Variants in RNF2 observed in about 807,000 individuals in gnomAD.
RNF2 encodes the protein E3 ubiquitin-protein ligase RING2.
RNF2 carries 6 observed loss-of-function variants against 37.2 expected under a neutral mutation model. The ratio of observed to expected loss-of-function variants is 0.16; its 90% CI spans 0.09 to 0.32. The LOEUF (loss-of-function observed/expected upper bound fraction) is 0.32, where lower values mean the gene tolerates loss of function less well. RNF2 is among the 10% of genes least tolerant of loss of function. The pLI is 1.00. For missense variants in RNF2, 251 were observed against 404.0 expected (o/e 0.62, Z 3.25); for synonymous variants, 133 against 132.7 (o/e 1.00, Z -0.02).
chr1:185,086,571 G>A (rs1651606890), intron 1 of RNF2, among the ~76,000 whole-genome samples: 1 of 152,180 alleles, frequency 6.6e-6, no homozygotes, highest in South Asian at 2.1e-4. Context: ...GGAAAATCAG[G>A]TGGGATATGA....
intron 1 of RNF2, among the ~76,000 whole-genome samples, chr1:185,082,615 A>G (rs1368472194): frequency 6.6e-6 from 1 of 151,876 alleles, no homozygotes; most frequent in Non-Finnish European, 1.5e-5. Flanking sequence ...TTGGCCTCCC[A>G]AAGTGCTGGG....
intron 1 of RNF2, among the ~76,000 whole-genome samples, chr1:185,087,214 A>G (rs1356523202): frequency 6.6e-6 from 1 of 152,244 alleles, no homozygotes; most frequent in Non-Finnish European, 1.5e-5. Flanking sequence ...ATTTATAAGC[A>G]ATAGAAATGT....
At chr1:185,076,560 A>G (rs952976974) in intron 1 of RNF2, among the ~76,000 whole-genome samples, 1 of 149,978 alleles carries the variant, frequency 6.7e-6, no homozygotes, top group Non-Finnish European at 1.5e-5. Context: ...TGCTGGGATT[A>G]CAGGGGTGAG....
intron 1 of RNF2, chr1:185,046,056 G>A (rs1650108133): frequency 6.6e-6 from 1 of 152,234 alleles, no homozygotes; most frequent in African/African-American, 2.4e-5. Context: ...GGACGGAGTG[G>A]AATGCGAGTT....
intron 5 of RNF2, among the ~76,000 whole-genome samples, chr1:185,098,958 G>T (rs1651994545): frequency 6.6e-6 from 1 of 151,530 alleles, no homozygotes; most frequent in Admixed American, 6.6e-5. Flanking sequence ...CACCATGTTG[G>T]CCAGGATGGT....
intron 1 of RNF2, among the ~76,000 whole-genome samples, chr1:185,080,590 T>G (rs1172422014): frequency 6.6e-6 from 1 of 152,208 alleles, no homozygotes; most frequent in African/African-American, 2.4e-5. Context: ...TGTGGTAGTA[T>G]TTAAGACTGT....
Position 185,079,930 on chromosome 1 carries a change from G to GA in RNF2, c.-2-7610dup, listed in dbSNP as rs372875470. ...GGGCAACAAGAGCGAGACTGTCTCA[G>GA]AAAAAAAAAAAAGCCAATTGTGTCT... On this transcript the variant is annotated intron_variant, in intron 1 of 6. Coordinates refer to ENST00000367510, the MANE Select transcript of RNF2 (RefSeq NM_007212.4). Among the ~76,000 whole-genome samples, 499 of 141,952 alleles carry GA rather than the reference G, an allele frequency of 3.5e-3. 2 individuals are homozygous for GA. Among genetic ancestry groups the GA allele is most frequent in the African/African-American group, 9.5e-3 (369 of 38,886 alleles). 93.1% of individuals were successfully genotyped at this position (141,952 alleles called of 152,430 possible). A position where few individuals can be genotyped will look rare whatever the true frequency, so the allele number is the denominator to read the frequency against.
At chr1:185,079,705 G>A (rs1007887652) in intron 1 of RNF2, among the ~76,000 whole-genome samples, 5 of 152,122 alleles carry the variant, frequency 3.3e-5, no homozygotes, top group Admixed American at 6.5e-5. Flanking sequence ...TGAGGTGGGC[G>A]GATCATCTGA....
At chr1:185,092,386 A>G (rs144018682) in intron 3 of RNF2, among the ~76,000 whole-genome samples, 1 of 151,514 alleles carries the variant, frequency 6.6e-6, no homozygotes, top group Non-Finnish European at 1.5e-5. Flanking sequence ...TGTGTTGGTC[A>G]GGCTGGTCTT....
chr1:185,066,832 C>CAGGGGTAGTAGT (rs1278191208), intron 1 of RNF2, among the ~76,000 whole-genome samples: 3 of 151,922 alleles, frequency 2.0e-5, no homozygotes, highest in African/African-American at 7.3e-5. Flanking sequence ...GTGGTGGGGG[C>CAGGGGTAGTAGT]AGGGGTAGTA....
chr1:185,050,211 G>A (rs1398714797), intron 1 of RNF2, among the ~76,000 whole-genome samples: 1 of 152,196 alleles, frequency 6.6e-6, no homozygotes, highest in Admixed American at 6.5e-5. Context: ...ATAGAAAAAT[G>A]AATCGAAAAA....
intron 1 of RNF2, among the ~76,000 whole-genome samples, chr1:185,053,326 C>CT (rs796472816): frequency 1.3e-5 from 2 of 151,332 alleles, no homozygotes; most frequent in African/African-American, 4.9e-5. Context: ...CTTCATTTTC[C>CT]TTTTTTTCTT....
rs774132988 is a variant in RNF2 at position 185,098,247 on chromosome 1, A to G, written c.640A>G (p.Met214Val). The change falls in exon 5 of 7, where the codon ATG becomes GTG. Residue 214 changes from methionine to valine, a missense_variant. This residue lies in a region of RNF2 where 94 missense variants were observed against 99.2 expected (regional missense o/e 0.95). Coordinates refer to ENST00000367510, the MANE Select transcript of RNF2 (RefSeq NM_007212.4). ...AGAGCTTGATAATAACAATGCAGCA[A>G]TGGCAATTGATCCAGTAATGGATGG... ...GLELDNNNAA[M>V]AIDPVMDGAS... 6.2e-7 allele frequency: 1 copy of G among 1,614,208 alleles called. No individual in the cohort carries two copies. The highest frequency in any genetic ancestry group is 1.1e-5 in the South Asian group (1 of 91,092).
chr1:185,054,613 G>T (rs1650375691), intron 1 of RNF2, among the ~76,000 whole-genome samples: 1 of 152,216 alleles, frequency 6.6e-6, no homozygotes, highest in Admixed American at 6.5e-5. Context: ...TAGAGGCGGG[G>T]CCTGAATTCC....
At chr1:185,051,911 T>C (rs1348657149) in intron 1 of RNF2, among the ~76,000 whole-genome samples, 2 of 148,536 alleles carry the variant, frequency 1.3e-5, no homozygotes, top group Non-Finnish European at 3.0e-5. Context: ...TATTTGTATT[T>C]ATACATATAT....
intron 1 of RNF2, among the ~76,000 whole-genome samples, chr1:185,054,407 T>C (rs1650366858): frequency 6.6e-6 from 1 of 152,212 alleles, no homozygotes; most frequent in African/African-American, 2.4e-5. Flanking sequence ...GGCTGGACAC[T>C]GTGCTCTGTG....
intron 1 of RNF2, chr1:185,046,126 A>G (rs555004620): frequency 1.8e-3 from 234 of 132,068 alleles, no homozygotes; most frequent in Non-Finnish European, 3.3e-3. Context: ...GGGGTGGGGT[A>G]GGGGGCACTT....
At chr1:185,099,762 ATG>A in intron 5 of RNF2, 27 bp from the exon 6 acceptor site, 1 of 1,577,334 alleles carries the variant, frequency 6.3e-7, no homozygotes, top group Non-Finnish European at 8.6e-7. Context: ...TATTCTAGAA[ATG>A]AAATTTTTAA....
intron 1 of RNF2, among the ~76,000 whole-genome samples, chr1:185,070,443 A>G (rs2102171473): frequency 6.6e-6 from 1 of 152,230 alleles, no homozygotes; most frequent in South Asian, 2.1e-4. Context: ...ACTTTGGGGA[A>G]TTTATGGTTT....
Sources: allele counts gnomAD v4.1 joint callset (sites outside exome capture counted in the v4.1 genomes callset), GRCh38; gene constraint gnomAD v4.1.1; regional missense constraint gnomAD v4.1.1; transcripts MANE v1.5; gene names NCBI Gene and HGNC (gene_info 2026-07-23, HGNC 2026-07-21).